The following FCHO2 variants were observed in gnomAD, a reference collection of about 807,000 sequenced individuals.
FCHO2 encodes FCH and mu domain containing endocytic adaptor 2.
Under a neutral mutation model 114.1 loss-of-function variants are expected in FCHO2, and 43 were observed. That is an observed-to-expected ratio of 0.38 (90% confidence interval 0.30 to 0.49). The LOEUF (loss-of-function observed/expected upper bound fraction) is 0.49, where lower values mean the gene tolerates loss of function less well. Among genes scored for constraint, FCHO2 ranks in the 20% least tolerant of loss-of-function variants. FCHO2 has a pLI of 0.97. For missense variants in FCHO2, 807 were observed against 950.4 expected, an observed-to-expected ratio of 0.85 and a Z score of 1.98; for synonymous variants, 293 against 315.2, an observed-to-expected ratio of 0.93 and a Z score of 0.75.
At chr5:72,989,985 A>G (rs538987758) in intron 3 of FCHO2, among the ~76,000 whole-genome samples, 17 of 152,096 alleles carry the variant, frequency 1.1e-4, no homozygotes, top group African/African-American at 3.6e-4. Flanking sequence ...AAAATAATGA[A>G]AAGAATACAT....
chr5:72,978,367 G>A (rs747555509), intron 2 of FCHO2, among the ~76,000 whole-genome samples: 1 of 152,006 alleles, frequency 6.6e-6, no homozygotes, highest in Non-Finnish European at 1.5e-5. Flanking sequence ...TCTTTTTGTG[G>A]CAATTGTGAA....
At chr5:72,988,047 T>C (rs1753628848) in intron 2 of FCHO2, among the ~76,000 whole-genome samples, 1 of 152,050 alleles carries the variant, frequency 6.6e-6, no homozygotes, top group African/African-American at 2.4e-5. Flanking sequence ...TCAAAGTAAA[T>C]GGAGGGATGA....
Position 72,997,276 on chromosome 5 carries a change from C to T in FCHO2, c.495+6412C>T, listed in dbSNP as rs556684133. The stretch of plus-strand genomic sequence containing the variant: ...TGGATTTCTTTTTGGAAGTCGTGAG[C>T]GAGTGGTGGGAGCTGGTAGTGTTTA... On this transcript the variant is annotated intron_variant, in intron 5 of 25. Transcript: ENST00000430046. 120 of 1,323,930 alleles carry T rather than the reference C, an allele frequency of 9.1e-5. No individual in the cohort carries two copies. The East Asian group carries it at 2.2e-3, about 24-fold the overall frequency. The allele number at this position is 1,323,930 out of a possible 1,614,324, so 82.0% of individuals were successfully genotyped here.
rs755849219 is a variant in FCHO2, at chr5:73,077,369, A to G, written c.1723A>G (p.Met575Val). ...CIVKITGDMT[M>V]SFPSGIIKVF... ...TGTGAAGATCACTGGTGATATGACA[A>G]TGTCATTTCCAAGTGGAATTATTAA... Residue 575 changes from methionine (M) to valine (V), a missense_variant, in exon 21 of 26, where the codon ATG (methionine) becomes GTG (valine). Coordinates refer to ENST00000430046, the MANE Select transcript of FCHO2 (RefSeq NM_138782.3). 3 of 1,584,894 alleles carry G rather than the reference A, an allele frequency of 1.9e-6. No individual in the cohort carries two copies. The highest frequency in any genetic ancestry group is 2.3e-5 in the East Asian group (1 of 44,068).
At chr5:73,051,319 CATT>C (rs1416276492) in intron 11 of FCHO2, 27 bp from the exon 12 acceptor site, 2 of 1,430,684 alleles carry the variant, frequency 1.4e-6, no homozygotes. Flanking sequence ...TTGGAGTTGT[CATT>C]ATAATTTTTT....
At chr5:73,026,610 A>G (rs1257494905) in intron 8 of FCHO2, among the ~76,000 whole-genome samples, 1 of 152,196 alleles carries the variant, frequency 6.6e-6, no homozygotes, top group African/African-American at 2.4e-5. Context: ...AACTGAGAGC[A>G]TTACAAATTT....
chr5:73,025,576 A>G (rs568776515), intron 8 of FCHO2, among the ~76,000 whole-genome samples: 3 of 152,000 alleles, frequency 2.0e-5, no homozygotes, highest in South Asian at 4.1e-4. Context: ...ATGGGATTTC[A>G]CCATGTTGGC....
intron 8 of FCHO2, among the ~76,000 whole-genome samples, chr5:73,033,472 TTTC>T: frequency 1.3e-5 from 2 of 152,246 alleles, no homozygotes; most frequent in Middle Eastern, 6.8e-3. Context: ...AATCAGTGGC[TTTC>T]TTTTTTAATG....
At chr5:73,045,599 C>T (rs1164828354) in intron 11 of FCHO2, among the ~76,000 whole-genome samples, 1 of 152,192 alleles carries the variant, frequency 6.6e-6, no homozygotes. Context: ...TAATGTTCCT[C>T]TCTGACCCTG....
intron 8 of FCHO2, among the ~76,000 whole-genome samples, chr5:73,027,854 C>G (rs1383096806): frequency 1.3e-5 from 2 of 151,852 alleles, no homozygotes; most frequent in African/African-American, 4.8e-5. Context: ...AGATTAAAAC[C>G]ACAAGAAAAA....
At chr5:73,046,858 C>T (rs1172455698) in intron 11 of FCHO2, among the ~76,000 whole-genome samples, 1 of 152,130 alleles carries the variant, frequency 6.6e-6, no homozygotes, top group Non-Finnish European at 1.5e-5. Context: ...CTACATTAGA[C>T]TGTTTATTTA....
chr5:73,079,410 A>G (rs577448065), intron 22 of FCHO2, among the ~76,000 whole-genome samples: 2 of 152,328 alleles, frequency 1.3e-5, no homozygotes, highest in East Asian at 3.9e-4. Flanking sequence ...AATAGATCTA[A>G]GAATAAATGG....
At chr5:73,002,768 T>C (rs759425483) in intron 5 of FCHO2, among the ~76,000 whole-genome samples, 30 of 152,192 alleles carry the variant, frequency 2.0e-4, no homozygotes, top group Non-Finnish European at 1.0e-4. Flanking sequence ...ATACATGTTA[T>C]TGTTTCTGTC....
chr5:72,997,525 G>A, intron 5 of FCHO2: 1 of 1,382,822 alleles, frequency 7.2e-7, no homozygotes, highest in Non-Finnish European at 1.0e-6. Context: ...TCAAATCCTG[G>A]TTCAGTGACC....
intron 22 of FCHO2, among the ~76,000 whole-genome samples, chr5:73,078,903 A>G (rs1263010191): frequency 7.2e-5 from 11 of 152,234 alleles, no homozygotes; most frequent in African/African-American, 2.7e-4. Flanking sequence ...AAGAACAATT[A>G]GGAAGAAACA....
At chr5:72,958,370 G>T (rs1323546074) in intron 1 of FCHO2, among the ~76,000 whole-genome samples, 6 of 152,110 alleles carry the variant, frequency 3.9e-5, no homozygotes, top group Non-Finnish European at 5.9e-5. Context: ...TATGGTGCAA[G>T]GGAAAGGTAT....
intron 3 of FCHO2, among the ~76,000 whole-genome samples, chr5:72,990,003 G>A (rs1320304526): frequency 2.0e-5 from 3 of 151,942 alleles, no homozygotes; most frequent in Admixed American, 6.6e-5. Context: ...CATTTAAAAT[G>A]AGATGTGCTC....
At chr5:72,969,607 T>C (rs1027786304) in intron 2 of FCHO2, among the ~76,000 whole-genome samples, 1 of 152,214 alleles carries the variant, frequency 6.6e-6, no homozygotes, top group Admixed American at 6.5e-5. Flanking sequence ...CACTGTCTAC[T>C]TTGCAACCAT....
chr5:73,083,929 C>T (rs963225908), intron 24 of FCHO2, among the ~76,000 whole-genome samples: 1 of 149,902 alleles, frequency 6.7e-6, no homozygotes, highest in African/African-American at 2.5e-5. Flanking sequence ...TTGCCTTCTG[C>T]AGTTCTCTAA....
Sources: gnomAD v4.1 joint callset for allele counts (sites outside exome capture counted in the v4.1 genomes callset) on GRCh38, gnomAD v4.1.1 for gene constraint, MANE v1.5 for transcripts, NCBI Gene and HGNC (gene_info 2026-07-23, HGNC 2026-07-21) for gene names.